The following RBPJ variants were observed in gnomAD, a reference collection of about 807,000 sequenced individuals.
RBPJ encodes the protein recombination signal binding protein for immunoglobulin kappa J region, also known as recombining binding protein suppressor of hairless.
RBPJ carries 9 observed loss-of-function variants against 67.8 expected under a neutral mutation model. That is an observed-to-expected ratio of 0.13 (90% CI 0.08 to 0.23). The LOEUF is 0.23. Among genes scored for constraint, RBPJ ranks in the 10% least tolerant of loss-of-function variants. RBPJ has a pLI of 1.00. For synonymous variants in RBPJ, 198 were observed against 203.3 expected (o/e 0.97, Z 0.22); for missense variants, 305 against 595.6 (o/e 0.51, Z 5.08).
intron 1 of RBPJ, among the ~76,000 whole-genome samples, chr4:26,302,164 G>A (rs1722098336): frequency 1.3e-5 from 2 of 152,172 alleles, no homozygotes; most frequent in Admixed American, 1.3e-4. Context: ...ACAACAAGGA[G>A]AAAGTCTGAT....
At chr4:26,172,253 G>T (rs1422756411) in intron 1 of RBPJ, among the ~76,000 whole-genome samples, 1 of 152,024 alleles carries the variant, frequency 6.6e-6, no homozygotes, top group Non-Finnish European at 1.5e-5. Context: ...CATCCGCCTG[G>T]CCCCCACCAC....
chr4:26,395,517 A>G (rs1350009773), intron 2 of RBPJ, among the ~76,000 whole-genome samples: 1 of 152,198 alleles, frequency 6.6e-6, no homozygotes, highest in African/African-American at 2.4e-5. Flanking sequence ...TGGTTTGGAT[A>G]TTTGGACCCA....
intron 1 of RBPJ, among the ~76,000 whole-genome samples, chr4:26,294,653 G>A (rs965842532): frequency 6.6e-6 from 1 of 152,034 alleles, no homozygotes; most frequent in South Asian, 2.1e-4. Flanking sequence ...GTCGAGGTGG[G>A]TGAATCACTT....
At chr4:26,267,657 G>C (rs1720746833) in intron 1 of RBPJ, among the ~76,000 whole-genome samples, 2 of 151,570 alleles carry the variant, frequency 1.3e-5, no homozygotes, top group Admixed American at 1.3e-4. Context: ...ACCCAGGCTG[G>C]AGTACAGTGG....
intron 1 of RBPJ, among the ~76,000 whole-genome samples, chr4:26,259,165 G>T (rs555820213): frequency 6.6e-6 from 1 of 152,100 alleles, no homozygotes; most frequent in African/African-American, 2.4e-5. Flanking sequence ...GGACTTTAAG[G>T]TGGATGCCTA....
chr4:26,402,113 C>G (rs761150313), intron 2 of RBPJ, among the ~76,000 whole-genome samples: 10 of 152,092 alleles, frequency 6.6e-5, no homozygotes, highest in African/African-American at 7.2e-5. Flanking sequence ...GTCTCAAACT[C>G]CAGACCTCAG....
At chr4:26,167,548 A>AT (rs1716368819) in intron 1 of RBPJ, among the ~76,000 whole-genome samples, 1 of 144,612 alleles carries the variant, frequency 6.9e-6, no homozygotes, top group African/African-American at 2.6e-5. Context: ...AATGCTTGTG[A>AT]TTTTTGTACA....
chr4:26,188,814 C>T (rs1717369909), intron 1 of RBPJ, among the ~76,000 whole-genome samples: 1 of 152,130 alleles, frequency 6.6e-6, no homozygotes, highest in Non-Finnish European at 1.5e-5. Flanking sequence ...ATAAATTATG[C>T]ATGCATCATA....
chr4:26,415,501 A>G lies in RBPJ; in HGVS notation c.182A>G (p.Tyr61Cys). ...TTTTTTTGCCCACCTCCTTGTGTAT[A>G]TCTTATGGGCAGTGGATGGAAGAAA... Reference protein sequence around the residue: ...KRFFCPPPCVYLMGSGWKKKK... With the variant: ...KRFFCPPPCVCLMGSGWKKKK... Residue 61 changes from tyrosine (Y) to cysteine (C), a missense_variant, in exon 4 of 11, where the codon TAT (tyrosine) becomes TGT (cysteine). This residue lies in a region of RBPJ where 79 missense variants were observed against 106.2 expected (regional missense o/e 0.74). Coordinates refer to ENST00000355476, the MANE Select transcript of RBPJ (RefSeq NM_015874.6). 6.2e-7 allele frequency: 1 copy of G among 1,606,368 alleles called. No individual in the cohort carries two copies. Among genetic ancestry groups the G allele is most frequent in the Non-Finnish European group, 8.5e-7 (1 of 1,177,556 alleles).
chr4:26,398,802 TG>T (rs1176758226), intron 2 of RBPJ, among the ~76,000 whole-genome samples: 9 of 151,860 alleles, frequency 5.9e-5, no homozygotes, highest in Admixed American at 5.2e-4. Context: ...TTAGTAGAGA[TG>T]GGGTTTCTCT....
chr4:26,386,358 T>C lies in RBPJ; in HGVS notation c.26T>C (p.Phe9Ser). ...CTTTATTTTTTTTTTTCCAGGAAAT[T>C]TGGTGAGCGGCCTCCACCTAAACGA... MAPVVTGK[F>S]GERPPPKRLT... Residue 9 changes from phenylalanine to serine, a missense_variant, in exon 2 of 11, where the codon TTT (phenylalanine) becomes TCT (serine). Transcript: ENST00000355476. 1 of 1,602,036 alleles carries C rather than the reference T, an allele frequency of 6.2e-7. No homozygotes were observed. The highest frequency in any genetic ancestry group is 8.5e-7 in the Non-Finnish European group (1 of 1,174,114).
chr4:26,392,424 C>T (rs1731599667), intron 2 of RBPJ, among the ~76,000 whole-genome samples: 1 of 152,182 alleles, frequency 6.6e-6, no homozygotes, highest in African/African-American at 2.4e-5. Context: ...TATCCAGCAA[C>T]AGGTGAGTGG....
chr4:26,318,250 C>T (rs1722728894), upstream of RBPJ, among the ~76,000 whole-genome samples: 1 of 152,088 alleles, frequency 6.6e-6, no homozygotes, highest in African/African-American at 2.4e-5. Context: ...ATTTGCGGGG[C>T]TGTGACGTGA....
chr4:26,153,903 G>A, the RBPJ span, among the ~76,000 whole-genome samples: 3 of 152,102 alleles, frequency 2.0e-5, no homozygotes, highest in East Asian at 1.9e-4. Flanking sequence ...AGCTGAGATC[G>A]TGCCACTGCA....
In RBPJ at chr4:26,281,292, T is replaced by G. The variant is rs148016424; in HGVS notation, c.-166-81154T>G. Among the ~76,000 whole-genome samples the G allele has an allele frequency of 6.1e-3, 931 of 152,296 alleles. 4 individuals carry two copies. Among genetic ancestry groups the G allele is most frequent in the African/African-American group, 0.021 (866 of 41,556 alleles). Reference sequence around the variant, plus strand: ...AGTTTTTTTGTTTGTTTGTTTGTTTTTTTGAGGCGGAGTTTCGCTCTTGTT... The same window carrying G: ...AGTTTTTTTGTTTGTTTGTTTGTTTGTTTGAGGCGGAGTTTCGCTCTTGTT... On this transcript the variant is annotated intron_variant, in intron 1 of 4. Coordinates refer to the RBPJ transcript ENST00000512351.
chr4:26,404,945 TG>T (rs1205816669), intron 2 of RBPJ, among the ~76,000 whole-genome samples: 17 of 152,344 alleles, frequency 1.1e-4, no homozygotes, highest in South Asian at 1.0e-3. Context: ...TGGTGCTTTT[TG>T]TACATATCTC....
the RBPJ span, among the ~76,000 whole-genome samples, chr4:26,110,690 T>C: frequency 1.3e-5 from 2 of 152,204 alleles, no homozygotes; most frequent in African/African-American, 2.4e-5. This position sits in a 1 kb window ranked among gnomAD's most constrained non-coding sequence, Gnocchi z 4.5. Context: ...AGGCACCATG[T>C]TGAGGCTTTC....
intron 1 of RBPJ, among the ~76,000 whole-genome samples, chr4:26,217,328 C>T (rs1718753847): frequency 6.6e-6 from 1 of 152,138 alleles, no homozygotes; most frequent in Non-Finnish European, 1.5e-5. Context: ...GCTGAACTCA[C>T]CCTGAAAATG....
At chr4:26,422,672 C>G (rs993125901) in intron 5 of RBPJ, among the ~76,000 whole-genome samples, 3 of 152,048 alleles carry the variant, frequency 2.0e-5, no homozygotes, top group African/African-American at 7.2e-5. Flanking sequence ...CCACTAATAT[C>G]ACTTAGTTTT....
Sources: allele counts gnomAD v4.1 joint callset (sites outside exome capture counted in the v4.1 genomes callset), GRCh38; gene constraint gnomAD v4.1.1; regional missense constraint gnomAD v4.1.1; non-coding constraint Gnocchi (gnomAD v3.1); transcripts MANE v1.5; gene names NCBI Gene and HGNC (gene_info 2026-07-23, HGNC 2026-07-21).